The following TMEM184B variants were observed in gnomAD, a reference collection of about 807,000 sequenced individuals.
The protein encoded by TMEM184B is transmembrane protein 184B.
Under a neutral mutation model 41.8 loss-of-function variants are expected in TMEM184B, and 17 were observed. The ratio of observed to expected loss-of-function variants is 0.41; its 90% CI spans 0.28 to 0.61. The LOEUF (loss-of-function observed/expected upper bound fraction) is 0.61, where lower values mean the gene tolerates loss of function less well. Ranked by LOEUF, TMEM184B falls within the 20% of genes least tolerant of loss-of-function variation. The pLI is 0.34. For missense variants in TMEM184B, 393 were observed against 557.8 expected, an observed-to-expected ratio of 0.70 and a Z score of 2.98; for synonymous variants, 240 against 229.5, an observed-to-expected ratio of 1.05 and a Z score of -0.41.
chr22:38,240,621 G>C (rs1024032665), intron 3 of TMEM184B, among the ~76,000 whole-genome samples: 4 of 151,468 alleles, frequency 2.6e-5, no homozygotes, highest in Non-Finnish European at 5.9e-5. Flanking sequence ...ACACTGGAAG[G>C]GCCCGCCAGG....
At chr22:38,259,830 C>T (rs2092342892) in intron 1 of TMEM184B, among the ~76,000 whole-genome samples, 1 of 152,110 alleles carries the variant, frequency 6.6e-6, no homozygotes, top group East Asian at 1.9e-4. Flanking sequence ...GGCTGGAGTG[C>T]AGTGGTGCGA....
chr22:38,233,979 G>C (rs572678252), intron 3 of TMEM184B, among the ~76,000 whole-genome samples: 1 of 151,988 alleles, frequency 6.6e-6, no homozygotes, highest in African/African-American at 2.4e-5. Flanking sequence ...ATGTTGGCCA[G>C]GGTGGTCTTG....
chr22:38,271,973 G>C (rs2145805033), intron 1 of TMEM184B, among the ~76,000 whole-genome samples: 1 of 152,368 alleles, frequency 6.6e-6, no homozygotes, highest in Middle Eastern at 3.4e-3. Context: ...CTGCAGCGCA[G>C]GGCCTCCAGG....
At chr22:38,240,998 G>A (rs1336889778) in intron 3 of TMEM184B, among the ~76,000 whole-genome samples, 4 of 152,326 alleles carry the variant, frequency 2.6e-5, no homozygotes, top group South Asian at 2.1e-4. Flanking sequence ...GCTGGAAGAC[G>A]TGCTCCAACC....
At chr22:38,230,561 C>A (rs2091584116) in intron 5 of TMEM184B, 108 bp downstream of exon 5, 1 of 1,112,886 alleles carries the variant, frequency 9.0e-7, no homozygotes, top group Admixed American at 2.0e-5. Flanking sequence ...GCCTGGGGTG[C>A]CTCATAGGAA....
Position 38,248,000 on chromosome 22 carries a change from G to C in TMEM184B, c.-39C>G. On this transcript the variant is annotated 5_prime_UTR_variant, in exon 2 of 9. Coordinates refer to ENST00000361906, the MANE Select transcript of TMEM184B (RefSeq NM_012264.5). ...AGGAGGCTCCCTGAGGGAAACCTTT[G>C]CAGAAAGTGACAAGCTAGCCTAGAG... 1 of 1,528,834 alleles carries C rather than the reference G, an allele frequency of 6.5e-7. No homozygotes were observed. Among genetic ancestry groups the C allele is most frequent in the Non-Finnish European group, 8.8e-7 (1 of 1,142,454 alleles). 94.7% of individuals were successfully genotyped at this position (1,528,834 alleles called of 1,614,324 possible).
chr22:38,228,374 A>G (rs574556204), intron 5 of TMEM184B, among the ~76,000 whole-genome samples: 1 of 152,062 alleles, frequency 6.6e-6, no homozygotes, highest in African/African-American at 2.4e-5. Flanking sequence ...TCCCCATGGT[A>G]CAGGTGAGGA....
At chr22:38,249,254 TC>T (rs1313857578) in intron 1 of TMEM184B, among the ~76,000 whole-genome samples, 2 of 152,150 alleles carry the variant, frequency 1.3e-5, no homozygotes, top group Admixed American at 6.6e-5. Flanking sequence ...GGCTCAAGAA[TC>T]CTCCTGCCTT....
intron 1 of TMEM184B, among the ~76,000 whole-genome samples, chr22:38,255,590 C>T (rs781217903): frequency 4.6e-5 from 7 of 152,190 alleles, no homozygotes; most frequent in African/African-American, 1.4e-4. Flanking sequence ...CAAATGTTCA[C>T]GGCAGCCGTA....
chr22:38,257,023 C>T (rs1020274349), intron 1 of TMEM184B, among the ~76,000 whole-genome samples: 2 of 144,372 alleles, frequency 1.4e-5, no homozygotes, highest in Non-Finnish European at 3.0e-5. Flanking sequence ...CTCTTGTTGC[C>T]CAGGCTGGAG....
chr22:38,231,670 G>A (rs944988327), intron 3 of TMEM184B: 14 of 475,636 alleles, frequency 2.9e-5, no homozygotes, highest in Non-Finnish European at 3.9e-5. Context: ...GGTTTGGGAG[G>A]GCTGGCAGTG....
chr22:38,230,586 G>A, intron 5 of TMEM184B, 83 bp downstream of exon 5: 1 of 1,438,134 alleles, frequency 7.0e-7, no homozygotes, highest in Non-Finnish European at 9.6e-7. Context: ...GACCTCTAAG[G>A]TGGGGCCCAG....
chr22:38,228,257 CG>C (rs1338679483), intron 5 of TMEM184B, among the ~76,000 whole-genome samples: 1 of 152,230 alleles, frequency 6.6e-6, no homozygotes, highest in Non-Finnish European at 1.5e-5. Context: ...AAGGGAAGAA[CG>C]GCAGTTTGCA....
chr22:38,233,264 G>A (rs2091683949), intron 3 of TMEM184B, among the ~76,000 whole-genome samples: 1 of 152,180 alleles, frequency 6.6e-6, no homozygotes, highest in South Asian at 2.1e-4. Context: ...ACGCCTTGTT[G>A]TGACTGTCCC....
intron 1 of TMEM184B, among the ~76,000 whole-genome samples, chr22:38,270,345 G>C (rs1178121298): frequency 1.3e-5 from 2 of 152,194 alleles, no homozygotes; most frequent in Non-Finnish European, 2.9e-5. Flanking sequence ...AATGCAGACA[G>C]TGACAGCCCC....
Position 38,221,406 on chromosome 22 carries a change from T to C in TMEM184B, c.*63A>G. Reference sequence around the variant, plus strand: ...CTGCCTCCTGGCCTGGTGGTGAGGCTGGAGGTGGGGCACAGCCTGACCGTG... The same window carrying C: ...CTGCCTCCTGGCCTGGTGGTGAGGCCGGAGGTGGGGCACAGCCTGACCGTG... On this transcript the variant is annotated 3_prime_UTR_variant, in exon 9 of 9. Coordinates refer to ENST00000361906, the MANE Select transcript of TMEM184B (RefSeq NM_012264.5). 1 of 1,532,484 alleles carries C rather than the reference T, an allele frequency of 6.5e-7. No homozygotes were observed. Among genetic ancestry groups the C allele is most frequent in the Non-Finnish European group, 8.7e-7 (1 of 1,143,124 alleles). The allele number at this position is 1,532,484 out of a possible 1,614,324, so 94.9% of individuals were successfully genotyped here.
chr22:38,220,171 C>A lies in TMEM184B; in HGVS notation c.*1298G>T, dbSNP rs980998290. On this transcript the variant is annotated 3_prime_UTR_variant, in exon 9 of 9. Transcript: ENST00000361906. ...TTCCTAAGTCAGGAGCTAGTATAAG[C>A]CCAGCCTGCTGGGGGTTCCGGAGGC... The A allele has an allele frequency of 2.1e-5, 21 of 985,424 alleles. No individual in the cohort carries two copies. Among genetic ancestry groups the A allele is most frequent in the Non-Finnish European group, 2.4e-5 (20 of 829,960 alleles). The allele number at this position is 985,424 out of a possible 1,614,324, so 61.0% of individuals were successfully genotyped here.
intron 3 of TMEM184B, among the ~76,000 whole-genome samples, chr22:38,235,412 CAT>C (rs1015109568): frequency 9.2e-5 from 14 of 152,238 alleles, no homozygotes; most frequent in African/African-American, 2.7e-4. Context: ...CATCAAAACA[CAT>C]GTCAGCAGTC....
rs1602344751 is a variant in TMEM184B, at chr22:38,219,505, G to A, written c.*1964C>T. On this transcript the variant is annotated 3_prime_UTR_variant, in exon 9 of 9. Coordinates refer to ENST00000361906, the MANE Select transcript of TMEM184B (RefSeq NM_012264.5). ...TTCAAGTATTCTTTATGTACAAAGA[G>A]CTACTCTACCTGGAAAGAAAATTAA... The A allele has an allele frequency of 3.0e-6, 3 of 985,470 alleles. No homozygotes were observed. The highest frequency in any genetic ancestry group is 3.6e-6 in the Non-Finnish European group (3 of 829,850). 61.0% of individuals were successfully genotyped at this position (985,470 alleles called of 1,614,324 possible). A position where few individuals can be genotyped will look rare whatever the true frequency, so the allele number is the denominator to read the frequency against.
Sources: allele counts gnomAD v4.1 joint callset (sites outside exome capture counted in the v4.1 genomes callset), GRCh38; gene constraint gnomAD v4.1.1; transcripts MANE v1.5; gene names NCBI Gene and HGNC (gene_info 2026-07-23, HGNC 2026-07-21).